Variants in CDK5RAP3 observed in about 807,000 individuals in gnomAD.
CDK5RAP3 encodes the protein CDK5 regulatory subunit associated protein 3.
A neutral mutation model predicts 73.3 loss-of-function variants in CDK5RAP3; 58 were observed. That is an observed-to-expected ratio of 0.79 (90% CI 0.64 to 0.98). The LOEUF (loss-of-function observed/expected upper bound fraction) is 0.98, where lower values mean the gene tolerates loss of function less well. Ranked by LOEUF, CDK5RAP3 falls within the 50% of genes least tolerant of loss-of-function variation. The pLI is 0.00. For missense variants in CDK5RAP3, 525 were observed against 615.8 expected, an observed-to-expected ratio of 0.85 and a Z score of 1.56; for synonymous variants, 224 against 247.5, an observed-to-expected ratio of 0.91 and a Z score of 0.89.
Position 47,976,592 on chromosome 17 carries a change from G to T in CDK5RAP3, c.799-120G>T, listed in dbSNP as rs564203417. 2.5e-4 allele frequency: 167 copies of T among 671,882 alleles called. 1 individual carries two copies. Among genetic ancestry groups the T allele is most frequent in the South Asian group, 2.1e-3 (130 of 62,082 alleles). The allele number at this position is 671,882 out of a possible 1,614,324, so 41.6% of individuals were successfully genotyped here. A position where few individuals can be genotyped will look rare whatever the true frequency, so the allele number is the denominator to read the frequency against. On this transcript the variant is annotated intron_variant, in intron 8 of 13. Transcript: ENST00000338399. ...TTGCCCAGGCTGGTCTCAAACTCCT[G>T]GGCTCAAGCAATCCACTATCCTCGG...
chr17:47,970,864 G>C (rs542002725), upstream of CDK5RAP3: 1 of 1,413,810 alleles, frequency 7.1e-7, no homozygotes, highest in Non-Finnish European at 9.4e-7. Flanking sequence ...TCCCACGGCC[G>C]CTGCAGCGCA....
At chr17:47,979,135 G>T (rs1349283940) in intron 11 of CDK5RAP3, 32 of 541,104 alleles carry the variant, frequency 5.9e-5, no homozygotes, top group Non-Finnish European at 7.6e-5. Context: ...CAGAACTTGG[G>T]TGGTGAATAA....
chr17:47,976,505 T>C (rs1235500389), intron 8 of CDK5RAP3: 1 of 468,814 alleles, frequency 2.1e-6, no homozygotes, highest in Non-Finnish European at 3.9e-6. Flanking sequence ...GATTACAGGT[T>C]TGCACCACCA....
chr17:47,975,660 A>G lies in CDK5RAP3; in HGVS notation c.653+7A>G. 1 of 1,590,302 alleles carries G rather than the reference A, an allele frequency of 6.3e-7. No homozygotes were observed. Among genetic ancestry groups the G allele is most frequent in the Non-Finnish European group, 8.5e-7 (1 of 1,171,658 alleles). On this transcript the variant is annotated splice_region_variant and intron_variant, in intron 7 of 13. Transcript: ENST00000338399. ...TGGGGTTTGTGTGTGAGAGGTAGAG[A>G]GGCCTCAGCTTCTCCTGGTGGGGGT... is the stretch of plus-strand genomic sequence containing the variant.
upstream of CDK5RAP3, chr17:47,970,744 GA>G (rs1567721445): frequency 5.9e-6 from 9 of 1,532,676 alleles, no homozygotes; most frequent in South Asian, 9.5e-5. Flanking sequence ...CGGCCTCCCA[GA>G]TCGGCGCTAG....
intron 2 of CDK5RAP3, 147 bp downstream of exon 2, chr17:47,971,554 A>G (rs72823513): frequency 0.17 from 128,420 of 753,964 alleles, 13,049 homozygotes; most frequent in Non-Finnish European, 0.2. Context: ...CTGTGGCCAG[A>G]CCTGCTTCCC....
In CDK5RAP3 at chr17:47,972,247, A is replaced by G. The variant is rs533445621; in HGVS notation, c.52+840A>G. The stretch of plus-strand genomic sequence containing the variant: ...GGCTTACATACTTCCTCCCCAGTTC[A>G]TAGTCAGGGAAGGCCTCTTCATCTG... On this transcript the variant is annotated intron_variant, in intron 2 of 13. Coordinates refer to ENST00000338399, the MANE Select transcript of CDK5RAP3 (RefSeq NM_176096.3). Among the ~76,000 whole-genome samples the G allele has an allele frequency of 4.5e-4, 69 of 152,288 alleles. 1 individual carries two copies. In the South Asian group the frequency reaches 0.013, roughly 28 times the overall value.
upstream of CDK5RAP3, among the ~76,000 whole-genome samples, chr17:47,968,795 C>G (rs146030691): frequency 9.2e-5 from 14 of 152,258 alleles, no homozygotes; most frequent in Non-Finnish European, 1.9e-4. Context: ...AGATTACAGG[C>G]GTGAGCCACC....
rs1274194503 is a variant in CDK5RAP3 at position 47,977,885 on chromosome 17, C to G, written c.963C>G (p.Ile321Met). ...DWGDDAVALQITVLEAGTQAP... is the reference protein window; with the variant it reads ...DWGDDAVALQMTVLEAGTQAP... ...GAGACGATGCTGTTGCTTTGCAGAT[C>G]ACAGTGCTGGAAGCAGGAACCCAGG... The change falls in exon 10 of 14, where the codon ATC (isoleucine) becomes ATG (methionine). Residue 321 changes from isoleucine (I) to methionine (M), a missense_variant. Transcript: ENST00000338399. 1.2e-6 allele frequency: 2 copies of G among 1,614,068 alleles called. No homozygotes were observed. The highest frequency in any genetic ancestry group is 1.1e-5 in the South Asian group (1 of 91,070).
Position 47,975,579 on chromosome 17 carries a change from TG to T in CDK5RAP3, c.583del (p.Ala195GlnfsTer80). ...KDLPSQLAEIGAAAQQSLGEA... is the reference protein window; with the variant it reads ...KDLPSQLAEIXAAAQQSLGEA... Reference sequence around the variant, plus strand: ...ACCTGCCGAGTCAGCTGGCTGAGATTGGGGCAGCGGCTCAGCAGTCCCTGGG... The same window carrying T: ...ACCTGCCGAGTCAGCTGGCTGAGATTGGGCAGCGGCTCAGCAGTCCCTGGG... On this transcript the variant is annotated frameshift_variant, in exon 7 of 14. Coordinates refer to ENST00000338399, the MANE Select transcript of CDK5RAP3 (RefSeq NM_176096.3). LOFTEE classifies it high-confidence loss of function. 1 of 1,610,320 alleles carries T rather than the reference TG, an allele frequency of 6.2e-7. No homozygotes were observed.
chr17:47,974,112 G>T, intron 4 of CDK5RAP3, 81 bp downstream of exon 4: 2 of 957,318 alleles, frequency 2.1e-6, no homozygotes, highest in South Asian at 2.6e-5. Context: ...TCTCTCTGAG[G>T]CTCCAGTGGG....
chr17:47,973,840 C>A, intron 3 of CDK5RAP3, 91 bp from the exon 4 acceptor site: 1 of 1,187,818 alleles, frequency 8.4e-7, no homozygotes, highest in Non-Finnish European at 1.2e-6. Context: ...AAGTTACTGG[C>A]AGTATATTAT....
intron 9 of CDK5RAP3, 139 bp downstream of exon 9, chr17:47,976,961 C>G: frequency 2.0e-6 from 1 of 495,134 alleles, no homozygotes; most frequent in Non-Finnish European, 3.6e-6. Context: ...GAGTTTCACA[C>G]GTCACATGTC....
At chr17:47,968,331 T>C (rs2036210294), upstream of CDK5RAP3, among the ~76,000 whole-genome samples, 1 of 152,158 alleles carries the variant, frequency 6.6e-6, no homozygotes, top group African/African-American at 2.4e-5. Flanking sequence ...TATATATATT[T>C]TGAGATGGAG....
Position 47,971,354 on chromosome 17 carries a change from C to T in CDK5RAP3, c.7-8C>T. ...TCACGCCCCCCTCCTCACCGTGTTT[C>T]CCGCCAGGACCATCAGCACGTGCCC... On this transcript the variant is annotated splice_polypyrimidine_tract_variant and splice_region_variant and intron_variant, in intron 1 of 13. Transcript: ENST00000338399. The T allele has an allele frequency of 6.2e-7, 1 of 1,610,028 alleles. No individual in the cohort carries two copies. The highest frequency in any genetic ancestry group is 8.5e-7 in the Non-Finnish European group (1 of 1,178,346).
Position 47,975,583 on chromosome 17 carries a change from G to T in CDK5RAP3, c.583G>T (p.Ala195Ser), listed in dbSNP as rs754308503. Residue 195 changes from alanine to serine, a missense_variant, in exon 7 of 14, where the codon GCA becomes TCA. Physicochemically the swap from Ala to Ser is moderately conservative, Grantham distance 99 (BLOSUM62 1). Around this residue, in one of 2 missense-constraint regions of CDK5RAP3, gnomAD observed 409 missense variants for 429.8 expected, o/e 0.95. Transcript: ENST00000338399. Reference sequence around the variant, plus strand: ...GCCGAGTCAGCTGGCTGAGATTGGGGCAGCGGCTCAGCAGTCCCTGGGGGA... The same window carrying T: ...GCCGAGTCAGCTGGCTGAGATTGGGTCAGCGGCTCAGCAGTCCCTGGGGGA... Reference protein sequence around the residue: ...DLPSQLAEIGAAAQQSLGEAI... With the variant: ...DLPSQLAEIGSAAQQSLGEAI... The T allele has an allele frequency of 1.9e-6, 3 of 1,610,048 alleles. No individual in the cohort carries two copies. Among genetic ancestry groups the T allele is most frequent in the Middle Eastern group, 1.6e-4 (1 of 6,062 alleles).
rs754978660 is a variant in CDK5RAP3, at chr17:47,981,234, A to T, written c.1355A>T (p.Glu452Val). The T allele has an allele frequency of 1.2e-6, 2 of 1,614,224 alleles. No homozygotes were observed. The highest frequency in any genetic ancestry group is 1.7e-6 in the Non-Finnish European group (2 of 1,180,026). Residue 452 changes from glutamate to valine, a missense_variant, in exon 13 of 14, where the codon GAG (glutamate) becomes GTG (valine). By Grantham distance (121) the Glu-to-Val change is moderately radical. Transcript: ENST00000338399. ...TCCCAGCTGCTGGCTTTGAAGAAAG[A>T]GCTGATGGTGCAGAAGCAGCAGGAG... ...KQSQLLALKKELMVQKQQEAL... is the reference protein window; with the variant it reads ...KQSQLLALKKVLMVQKQQEAL...
chr17:47,974,163 CTA>C, intron 4 of CDK5RAP3, 132 bp downstream of exon 4: 1 of 734,814 alleles, frequency 1.4e-6, no homozygotes, highest in Non-Finnish European at 2.3e-6. Context: ...CACTCTGTCT[CTA>C]TAGTTTACTC....
intron 9 of CDK5RAP3, 26 bp from the exon 10 acceptor site, chr17:47,977,806 G>C: frequency 6.2e-7 from 1 of 1,602,928 alleles, no homozygotes; most frequent in African/African-American, 1.3e-5. Flanking sequence ...TCCCCCCATT[G>C]CTGTGGTTCT....
Sources: gnomAD v4.1 joint callset for allele counts (sites outside exome capture counted in the v4.1 genomes callset) on GRCh38, gnomAD v4.1.1 for gene constraint, gnomAD v4.1.1 regional missense constraint, MANE v1.5 for transcripts, NCBI Gene and HGNC (gene_info 2026-07-23, HGNC 2026-07-21) for gene names.